The following REST variants were observed in gnomAD, a reference collection of about 807,000 sequenced individuals.
REST encodes RE1 silencing transcription factor, also known as RE1-silencing transcription factor.
In REST, 1 loss-of-function variant was observed where a neutral mutation model predicts 30.4. That is an observed-to-expected ratio of 0.03 (90% CI 0.01 to 0.16). REST has a LOEUF of 0.16. Ranked by LOEUF, REST falls within the 10% of genes least tolerant of loss-of-function variation. The pLI, the probability that REST is intolerant of heterozygous loss-of-function variation, is 1.00. For missense variants in REST, 1,259 were observed against 1,329.5 expected, an observed-to-expected ratio of 0.95 and a Z score of 0.82; for synonymous variants, 504 against 451.1, an observed-to-expected ratio of 1.12 and a Z score of -1.49.
Position 56,930,251 on chromosome 4 carries a change from T to G in REST, c.1393T>G (p.Ser465Ala). The G allele has an allele frequency of 6.2e-7, 1 of 1,607,848 alleles. No individual in the cohort carries two copies. Among genetic ancestry groups the G allele is most frequent in the Non-Finnish European group, 8.5e-7 (1 of 1,178,744 alleles). Residue 465 changes from serine (S) to alanine (A), a missense_variant, in exon 4 of 4, where the codon TCC becomes GCC. This residue lies in a region of REST where 856 missense variants were observed against 772.8 expected (regional missense o/e 1.11). Transcript: ENST00000309042. ...TGTGGCTGGAAAGAAAAATGAAAAG[T>G]CCGTCAAAGCAGAGAAAAGAGATGT... ...GDVAGKKNEK[S>A]VKAEKRDVSK...
chr4:56,909,707 C>G (rs1719807468), intron 1 of REST: 1 of 152,144 alleles, frequency 6.6e-6, no homozygotes, highest in South Asian at 2.1e-4. Flanking sequence ...CGAGTGAACA[C>G]TTCGTTTGAG....
chr4:56,923,797 C>G (rs539113158), intron 3 of REST, among the ~76,000 whole-genome samples: 1 of 152,136 alleles, frequency 6.6e-6, no homozygotes, highest in African/African-American at 2.4e-5. Context: ...CCTCGGCTCA[C>G]TGCAACCTCC....
In REST at chr4:56,907,956, G is replaced by A; in HGVS notation, c.-267G>A. Reference sequence around the variant, plus strand: ...GCGGCTGCCGCGAGCTCGCGGCGCAGCAGCGGAGCGAGCGCCGCCGAGGCC... The same window carrying A: ...GCGGCTGCCGCGAGCTCGCGGCGCAACAGCGGAGCGAGCGCCGCCGAGGCC... On this transcript the variant is annotated 5_prime_UTR_variant, in exon 1 of 4. Coordinates refer to ENST00000309042, the MANE Select transcript of REST (RefSeq NM_005612.5). The A allele has an allele frequency of 2.9e-6, 1 of 341,352 alleles. No individual in the cohort carries two copies. The highest frequency in any genetic ancestry group is 5.3e-6 in the Non-Finnish European group (1 of 189,640). 21.1% of individuals were successfully genotyped at this position (341,352 alleles called of 1,614,324 possible).
chr4:56,920,284 G>T (rs1713985), intron 3 of REST, among the ~76,000 whole-genome samples: 138,296 of 151,268 alleles, frequency 0.91, 63,440 homozygotes, highest in African/African-American at 0.97. Context: ...GTCCTGAAAT[G>T]AAGGTTTGTT....
intron 2 of REST, among the ~76,000 whole-genome samples, chr4:56,913,710 G>A (rs779385728): frequency 1.3e-5 from 2 of 152,066 alleles, no homozygotes; most frequent in South Asian, 2.1e-4. Context: ...GTGCAGTGAC[G>A]CGATCTCGGC....
intron 3 of REST, among the ~76,000 whole-genome samples, chr4:56,928,757 T>C (rs1039766586): frequency 1.3e-4 from 19 of 151,348 alleles, no homozygotes; most frequent in Admixed American, 5.3e-4. Context: ...AGCTAAATTT[T>C]TTTATATTTT....
rs137961173 is a variant in REST, at chr4:56,911,256, A to C, written c.618A>C (p.Ala206=). 834 of 1,614,150 alleles carry C rather than the reference A, an allele frequency of 5.2e-4. 3 individuals carry two copies. Among genetic ancestry groups the C allele is most frequent in the African/African-American group, 4.0e-3 (303 of 75,044 alleles). The change falls in exon 2 of 4, where the codon GCA becomes GCC. Residue 206 remains alanine, a synonymous_variant. Transcript: ENST00000309042. The part of the protein sequence containing the change: ...AKARESGSST[A]EEGDFSKGPI... ...CCAGGGAATCTGGCTCTTCCACTGCAGAAGAGGGAGATTTCTCCAAGGGCC... is the reference window on the plus strand; with the variant it reads ...CCAGGGAATCTGGCTCTTCCACTGCCGAAGAGGGAGATTTCTCCAAGGGCC...
At chr4:56,929,583 C>A (rs1293234542) in intron 3 of REST, among the ~76,000 whole-genome samples, 1 of 152,158 alleles carries the variant, frequency 6.6e-6, no homozygotes, top group Non-Finnish European at 1.5e-5. Context: ...CTTAAAGAAT[C>A]TCTGTTCTTT....
chr4:56,932,029 G>A lies in REST; in HGVS notation c.3171G>A (p.Lys1057=), dbSNP rs145124620. ...AKEALAVKAA[K]GDFVCIFCDR... is the part of the protein sequence containing the mutation. Reference sequence around the variant, plus strand: ...AAGCCTTGGCAGTCAAAGCGGCTAAGGGAGATTTTGTTTGTATCTTCTGTG... The same window carrying A: ...AAGCCTTGGCAGTCAAAGCGGCTAAAGGAGATTTTGTTTGTATCTTCTGTG... Residue 1057 remains lysine, a synonymous_variant, in exon 4 of 4, where the codon AAG becomes AAA. Transcript: ENST00000309042. The A allele has an allele frequency of 4.9e-5, 79 of 1,614,210 alleles. No homozygotes were observed. In the African/African-American group the frequency reaches 1.0e-3, roughly 20 times the overall value.
intron 2 of REST, 40 bp from the exon 3 acceptor site, chr4:56,919,747 C>A: frequency 1.6e-6 from 2 of 1,220,612 alleles, no homozygotes; most frequent in Non-Finnish European, 2.4e-6. Context: ...TTGGCTATTT[C>A]GTGACATTTA....
At chr4:56,919,266 C>G (rs1720340753) in intron 2 of REST, among the ~76,000 whole-genome samples, 1 of 152,062 alleles carries the variant, frequency 6.6e-6, no homozygotes, top group African/African-American at 2.4e-5. Context: ...CCAGGCTGGT[C>G]TGGAACTCTA....
Position 56,910,850 on chromosome 4 carries a change from G to A in REST, c.212G>A (p.Arg71Lys). The A allele has an allele frequency of 6.2e-7, 1 of 1,614,218 alleles. No homozygotes were observed. Among genetic ancestry groups the A allele is most frequent in the Non-Finnish European group, 8.5e-7 (1 of 1,180,036 alleles). ...SCCDYLVGEERQMAELMPVGD... is the reference protein window; with the variant it reads ...SCCDYLVGEEKQMAELMPVGD... ...TGTGATTACCTGGTCGGTGAAGAAA[G>A]ACAGATGGCAGAACTGATGCCGGTT... is the stretch of plus-strand genomic sequence containing the variant. The change falls in exon 2 of 4, where the codon AGA becomes AAA. Residue 71 changes from arginine to lysine, a missense_variant. Arg to Lys is a conservative substitution (Grantham distance 26). This residue lies in a region of REST where 249 missense variants were observed against 251.5 expected (regional missense o/e 0.99). Coordinates refer to ENST00000309042, the MANE Select transcript of REST (RefSeq NM_005612.5).
Position 56,931,975 on chromosome 4 carries a change from A to T in REST, c.3117A>T (p.Pro1039=). 1.9e-6 allele frequency: 3 copies of T among 1,614,252 alleles called. No homozygotes were observed. In the African/African-American group the frequency reaches 4.0e-5, roughly 22 times the overall value. Residue 1039 remains proline (P), a synonymous_variant, in exon 4 of 4, where the codon CCA becomes CCT. Transcript: ENST00000309042. ...DSGLHGARPV[P]QESSRKNAKE... ...GATTGCATGGGGCTCGGCCAGTTCCACAAGAATCTAGCAGAAAAAATGCAA... is the reference window on the plus strand; with the variant it reads ...GATTGCATGGGGCTCGGCCAGTTCCTCAAGAATCTAGCAGAAAAAATGCAA...
Position 56,931,364 on chromosome 4 carries a change from G to A in REST, c.2506G>A (p.Val836Ile). Reference sequence around the variant, plus strand: ...GAGTGAAAGGGCACGGAAGGAGCAAGTCCTTATTGAAGTTGGCTTAGTGCC... The same window carrying A: ...GAGTGAAAGGGCACGGAAGGAGCAAATCCTTATTGAAGTTGGCTTAGTGCC... Reference protein sequence around the residue: ...MQSERARKEQVLIEVGLVPVK... With the variant: ...MQSERARKEQILIEVGLVPVK... The change falls in exon 4 of 4, where the codon GTC becomes ATC. Residue 836 changes from valine (V) to isoleucine (I), a missense_variant. Val to Ile is a conservative substitution (Grantham distance 29, BLOSUM62 3). This residue lies in a region of REST where 856 missense variants were observed against 772.8 expected (regional missense o/e 1.11). Coordinates refer to ENST00000309042, the MANE Select transcript of REST (RefSeq NM_005612.5). 6.2e-7 allele frequency: 1 copy of A among 1,614,278 alleles called. No individual in the cohort carries two copies. Among genetic ancestry groups the A allele is most frequent in the Non-Finnish European group, 8.5e-7 (1 of 1,180,056 alleles).
intron 2 of REST, among the ~76,000 whole-genome samples, chr4:56,915,240 A>ATTTTTTTT (rs1193678055): frequency 3.6e-5 from 2 of 55,516 alleles, no homozygotes; most frequent in Non-Finnish European, 6.3e-5. Context: ...GTGTGTGTGT[A>ATTTTTTTT]TTTTTTTTTT....
rs1471805740 is a variant in REST at position 56,932,603 on chromosome 4, G to A, written c.*451G>A. The A allele has an allele frequency of 6.6e-6, 1 of 152,600 alleles. No individual in the cohort carries two copies. Among genetic ancestry groups the A allele is most frequent in the Admixed American group, 6.6e-5 (1 of 15,266 alleles). 9.5% of individuals were successfully genotyped at this position (152,600 alleles called of 1,614,324 possible). A position where few individuals can be genotyped will look rare whatever the true frequency, so the allele number is the denominator to read the frequency against. Reference sequence around the variant, plus strand: ...GCACTTTAAGATTTTTTTTTTTAGAGATGAGAAGACATTTAAATTGAAGAA... The same window carrying A: ...GCACTTTAAGATTTTTTTTTTTAGAAATGAGAAGACATTTAAATTGAAGAA... On this transcript the variant is annotated 3_prime_UTR_variant, in exon 4 of 4. Coordinates refer to ENST00000309042, the MANE Select transcript of REST (RefSeq NM_005612.5).
In REST at chr4:56,921,883, G is replaced by C. The variant is rs534221532; in HGVS notation, c.982+2013G>C. ...TAACTGTTTCCTTTTTACCTTTGTG[G>C]TATGACTACTAGAAAATTTAAGATT... On this transcript the variant is annotated intron_variant, in intron 3 of 3. Transcript: ENST00000309042. Among the ~76,000 whole-genome samples the C allele has an allele frequency of 1.8e-4, 28 of 152,152 alleles. No homozygotes were observed. The South Asian group carries it at 2.3e-3, about 12-fold the overall frequency.
At chr4:56,920,426 C>T (rs1192683499) in intron 3 of REST, among the ~76,000 whole-genome samples, 1 of 151,128 alleles carries the variant, frequency 6.6e-6, no homozygotes. Flanking sequence ...ATGAGAGATT[C>T]GTCCACTCCA....
chr4:56,918,227 C>A (rs568228778), intron 2 of REST, among the ~76,000 whole-genome samples: 1 of 150,772 alleles, frequency 6.6e-6, no homozygotes, highest in African/African-American at 2.5e-5. Flanking sequence ...CATGGTGGCT[C>A]ATGCCCGTAA....
Sources: allele counts gnomAD v4.1 joint callset (sites outside exome capture counted in the v4.1 genomes callset), GRCh38; gene constraint gnomAD v4.1.1; regional missense constraint gnomAD v4.1.1; transcripts MANE v1.5; gene names NCBI Gene and HGNC (gene_info 2026-07-23, HGNC 2026-07-21).